NBEA: variants seen among roughly 807,000 people sequenced by gnomAD.
The protein encoded by NBEA is lysosomal-trafficking regulator 2.
In NBEA, 44 loss-of-function variants were observed where a neutral mutation model predicts 343.4. The observed-to-expected ratio is 0.13, with a 90% CI of 0.10 to 0.16. The LOEUF is 0.16. Ranked by LOEUF, NBEA falls within the 10% of genes least tolerant of loss-of-function variation. NBEA has a pLI of 1.00. For synonymous variants in NBEA, 1,175 were observed against 1,238.7 expected (o/e 0.95, Z 1.08); for missense variants, 2,555 against 3,631.3 (o/e 0.70, Z 7.62).
chr13:35,289,682 G>A (rs981022579), intron 34 of NBEA, among the ~76,000 whole-genome samples: 6 of 151,822 alleles, frequency 4.0e-5, no homozygotes, highest in African/African-American at 1.4e-4. Flanking sequence ...AATTAAATGA[G>A]ACCATGCACG....
At chr13:35,209,244 A>G (rs2073605195) in intron 32 of NBEA, among the ~76,000 whole-genome samples, 1 of 152,212 alleles carries the variant, frequency 6.6e-6, no homozygotes, top group Non-Finnish European at 1.5e-5. Flanking sequence ...AGATTTGGGG[A>G]CATGATTGGT....
intron 44 of NBEA, among the ~76,000 whole-genome samples, chr13:35,560,211 C>T (rs2079797632): frequency 7.4e-6 from 1 of 134,734 alleles, no homozygotes; most frequent in Non-Finnish European, 1.8e-5. Context: ...GGCAGTTTAG[C>T]TCCAGAGTCT....
At chr13:35,064,372 TCTC>T (rs2063571916) in intron 8 of NBEA, among the ~76,000 whole-genome samples, 1 of 151,938 alleles carries the variant, frequency 6.6e-6, no homozygotes, top group African/African-American at 2.4e-5. Flanking sequence ...TGAAGTTAAA[TCTC>T]CTTTCTTCTT....
At position 34,942,765 on chromosome 13, in the gene NBEA, A is replaced by C. The variant is rs1380921205; in HGVS notation, c.-56A>C. On this transcript the variant is annotated 5_prime_UTR_variant, in exon 1 of 59. Coordinates refer to ENST00000379939, the MANE Select transcript of NBEA (RefSeq NM_001385012.1). Reference sequence around the variant, plus strand: ...GGGGGCGGGGGCCGAGGCAGGTATAACGGTACCGGCGGCGGCAGCGCCGCT... The same window carrying C: ...GGGGGCGGGGGCCGAGGCAGGTATACCGGTACCGGCGGCGGCAGCGCCGCT... The C allele has an allele frequency of 8.3e-5, 104 of 1,260,346 alleles. No individual in the cohort carries two copies. The highest frequency in any genetic ancestry group is 9.1e-5 in the Non-Finnish European group (90 of 993,824). The allele number at this position is 1,260,346 out of a possible 1,614,324, so 78.1% of individuals were successfully genotyped here. A position where few individuals can be genotyped will look rare whatever the true frequency, so the allele number is the denominator to read the frequency against.
intron 38 of NBEA, among the ~76,000 whole-genome samples, chr13:35,426,598 T>G (rs2152927280): frequency 6.6e-6 from 1 of 152,268 alleles, no homozygotes; most frequent in Non-Finnish European, 1.5e-5. Flanking sequence ...TCATTTCAAC[T>G]TTGGTGAATC....
At chr13:35,177,582 C>G (rs543893522) in intron 28 of NBEA, among the ~76,000 whole-genome samples, 124 of 151,780 alleles carry the variant, frequency 8.2e-4, no homozygotes, top group Non-Finnish European at 1.3e-3. Context: ...AGAAAGATAG[C>G]TTAATAAAGC....
At chr13:35,294,674 G>A (rs2036004842) in intron 35 of NBEA, among the ~76,000 whole-genome samples, 1 of 152,044 alleles carries the variant, frequency 6.6e-6, no homozygotes. Context: ...AAACTTGCCA[G>A]TTTTGCTGCT....
At chr13:35,124,951 AACTG>A (rs916883084) in intron 17 of NBEA, among the ~76,000 whole-genome samples, 1 of 152,122 alleles carries the variant, frequency 6.6e-6, no homozygotes. Flanking sequence ...AATTAAAATA[AACTG>A]ACTGGAGAAA....
intron 41 of NBEA, among the ~76,000 whole-genome samples, chr13:35,542,006 A>C (rs1272777553): frequency 6.6e-6 from 1 of 152,112 alleles, no homozygotes; most frequent in Non-Finnish European, 1.5e-5. Flanking sequence ...ACAGCTAGTA[A>C]GAGAGGCAGA....
intron 56 of NBEA, among the ~76,000 whole-genome samples, chr13:35,666,282 G>A (rs2085349952): frequency 6.6e-6 from 1 of 152,014 alleles, no homozygotes; most frequent in Non-Finnish European, 1.5e-5. Flanking sequence ...GAGTCTGAAG[G>A]CTGGCACCAT....
chr13:35,197,338 G>C (rs1163936626), intron 31 of NBEA, among the ~76,000 whole-genome samples: 1 of 151,994 alleles, frequency 6.6e-6, no homozygotes, highest in African/African-American at 2.4e-5. Flanking sequence ...GTTTTAGAAA[G>C]ACAAGATCAA....
chr13:35,062,807 T>C (rs1390999588), intron 8 of NBEA, among the ~76,000 whole-genome samples: 1 of 151,948 alleles, frequency 6.6e-6, no homozygotes, highest in Admixed American at 6.6e-5. Context: ...TGACTGTCAT[T>C]ACTGACTGAA....
At chr13:35,084,338 T>C (rs2152611759) in intron 10 of NBEA, among the ~76,000 whole-genome samples, 1 of 151,840 alleles carries the variant, frequency 6.6e-6, no homozygotes, top group Admixed American at 6.6e-5. Context: ...AAAGCACTCC[T>C]CAGCAAATGT....
At chr13:35,609,297 C>T (rs542328319) in intron 48 of NBEA, among the ~76,000 whole-genome samples, 1 of 152,246 alleles carries the variant, frequency 6.6e-6, no homozygotes, top group African/African-American at 2.4e-5. Context: ...TTTCCCAGTC[C>T]CAGGACTAGG....
intron 35 of NBEA, among the ~76,000 whole-genome samples, chr13:35,303,671 T>C (rs998950484): frequency 6.6e-6 from 1 of 152,210 alleles, no homozygotes; most frequent in Admixed American, 6.5e-5. Flanking sequence ...TCCATTCTTT[T>C]ATGCATTCAT....
chr13:35,229,694 C>A (rs2074860753), intron 33 of NBEA, among the ~76,000 whole-genome samples: 1 of 151,994 alleles, frequency 6.6e-6, no homozygotes. Context: ...ACAATATAGC[C>A]ACAATATGTC....
At chr13:35,554,894 G>T in intron 43 of NBEA, 93 bp from the exon 44 acceptor site, 3 of 520,268 alleles carry the variant, frequency 5.8e-6, no homozygotes, top group Non-Finnish European at 1.0e-5. Flanking sequence ...ATTATTTTAA[G>T]TTGATTATCA....
chr13:35,219,484 G>C (rs554984717), intron 33 of NBEA, among the ~76,000 whole-genome samples: 22 of 152,202 alleles, frequency 1.4e-4, no homozygotes, highest in African/African-American at 5.3e-4. Context: ...AAGTTTTTAG[G>C]TGTGTTAGTC....
chr13:35,262,835 G>A (rs537024907), intron 34 of NBEA, among the ~76,000 whole-genome samples: 18 of 152,254 alleles, frequency 1.2e-4, no homozygotes, highest in Middle Eastern at 3.4e-3. Flanking sequence ...AGACATTAAA[G>A]GCAGAAATAA....
Sources: gnomAD v4.1 joint callset for allele counts (sites outside exome capture counted in the v4.1 genomes callset) on GRCh38, gnomAD v4.1.1 for gene constraint, MANE v1.5 for transcripts, NCBI Gene and HGNC (gene_info 2026-07-23, HGNC 2026-07-21) for gene names.